GPC6: variants seen among roughly 807,000 people sequenced by gnomAD.
The protein encoded by GPC6 is glypican-6.
In GPC6, 14 loss-of-function variants were observed where a neutral mutation model predicts 55.2. The observed-to-expected ratio is 0.25, with a 90% CI of 0.17 to 0.40. The LOEUF (loss-of-function observed/expected upper bound fraction) is 0.40. Ranked by LOEUF, GPC6 falls within the 10% of genes least tolerant of loss-of-function variation. The pLI, the probability that GPC6 is intolerant of heterozygous loss-of-function variation, is 1.00. For synonymous variants in GPC6, 278 were observed against 259.6 expected (o/e 1.07, Z -0.68); for missense variants, 641 against 708.5 (o/e 0.90, Z 1.08).
At chr13:93,985,371 A>C (rs981426522) in intron 3 of GPC6, among the ~76,000 whole-genome samples, 1 of 151,850 alleles carries the variant, frequency 6.6e-6, no homozygotes, top group Non-Finnish European at 1.5e-5. Context: ...CAGGAGGTAG[A>C]GGTTGCAGTG....
At position 93,972,651 on chromosome 13, in the gene GPC6, G is replaced by T. The variant is rs560936891; in HGVS notation, c.712-55078G>T. Among the ~76,000 whole-genome samples, 18 of 152,190 alleles carry T rather than the reference G, an allele frequency of 1.2e-4. No homozygotes were observed. In the South Asian group the frequency reaches 3.7e-3, roughly 32 times the overall value. ...TGAAGCTACTGAAGGCCTATGTTTA[G>T]AAAATAAAAATAGATTTTAAGAGTT... On this transcript the variant is annotated intron_variant, in intron 3 of 8. Transcript: ENST00000377047.
At chr13:93,326,819 T>C (rs1348800687) in intron 1 of GPC6, among the ~76,000 whole-genome samples, 2 of 152,112 alleles carry the variant, frequency 1.3e-5, no homozygotes, top group Non-Finnish European at 2.9e-5. Context: ...CCAGCGAACA[T>C]TTTTTTAAAT....
chr13:93,430,743 C>G (rs1297471568), intron 1 of GPC6, among the ~76,000 whole-genome samples: 1 of 152,130 alleles, frequency 6.6e-6, no homozygotes, highest in Non-Finnish European at 1.5e-5. Flanking sequence ...GAAAATCCTG[C>G]AAAGTGCTCC....
At chr13:93,405,984 CT>C (rs1421596540) in intron 1 of GPC6, among the ~76,000 whole-genome samples, 1 of 152,268 alleles carries the variant, frequency 6.6e-6, no homozygotes, top group Non-Finnish European at 1.5e-5. Context: ...GAGGCTAAGG[CT>C]TTATTGCCTG....
At chr13:93,476,253 A>G (rs1879297179) in intron 1 of GPC6, among the ~76,000 whole-genome samples, 1 of 152,046 alleles carries the variant, frequency 6.6e-6, no homozygotes, top group Admixed American at 6.5e-5. Context: ...AATTAGTATG[A>G]CTTGCTATTC....
intron 2 of GPC6, among the ~76,000 whole-genome samples, chr13:93,737,237 C>G (rs1278991352): frequency 6.6e-6 from 1 of 152,088 alleles, no homozygotes; most frequent in Non-Finnish European, 1.5e-5. Context: ...TTATTTCAAG[C>G]AAGAAGACCA....
intron 2 of GPC6, among the ~76,000 whole-genome samples, chr13:93,548,770 G>A (rs1424752522): frequency 6.6e-6 from 1 of 152,074 alleles, no homozygotes; most frequent in Non-Finnish European, 1.5e-5. Context: ...TCATACCTGA[G>A]AGGCAACAAA....
chr13:93,876,943 A>C (rs893948178), intron 3 of GPC6, among the ~76,000 whole-genome samples: 1 of 152,018 alleles, frequency 6.6e-6, no homozygotes, highest in Non-Finnish European at 1.5e-5. Context: ...TCTTGATTGG[A>C]GATCATTTCC....
intron 6 of GPC6, among the ~76,000 whole-genome samples, chr13:94,333,550 T>A (rs1295697251): frequency 6.6e-6 from 1 of 152,232 alleles, no homozygotes; most frequent in African/African-American, 2.4e-5. Flanking sequence ...TACATTTTCC[T>A]GAGAACTTAT....
chr13:93,723,770 G>A (rs891498791), intron 2 of GPC6, among the ~76,000 whole-genome samples: 1 of 151,904 alleles, frequency 6.6e-6, no homozygotes, highest in Non-Finnish European at 1.5e-5. Context: ...GGGTGTAGAG[G>A]ATGGTGAAAT....
At chr13:94,373,759 T>G (rs919281266) in intron 6 of GPC6, among the ~76,000 whole-genome samples, 1 of 152,028 alleles carries the variant, frequency 6.6e-6, no homozygotes, top group Admixed American at 6.6e-5. Flanking sequence ...AGACACATAA[T>G]TGTCAGATTC....
chr13:93,527,894 T>A (rs1227608425), intron 1 of GPC6, among the ~76,000 whole-genome samples: 1 of 152,150 alleles, frequency 6.6e-6, no homozygotes, highest in Non-Finnish European at 1.5e-5. Flanking sequence ...AATATACACT[T>A]ATAGACTGTA....
At chr13:94,275,166 A>G (rs1237039959) in intron 4 of GPC6, among the ~76,000 whole-genome samples, 6 of 152,232 alleles carry the variant, frequency 3.9e-5, no homozygotes, top group African/African-American at 1.2e-4. Context: ...GTTTGGAAAT[A>G]CAGCAGTAAC....
chr13:93,441,733 A>T (rs1160412016), intron 1 of GPC6, among the ~76,000 whole-genome samples: 1 of 152,096 alleles, frequency 6.6e-6, no homozygotes, highest in Non-Finnish European at 1.5e-5. Context: ...TTTTGTTGCC[A>T]TTACTTTTGG....
chr13:93,369,670 G>A (rs1881381688), intron 1 of GPC6, among the ~76,000 whole-genome samples: 1 of 152,044 alleles, frequency 6.6e-6, no homozygotes, highest in African/African-American at 2.4e-5. Context: ...TGCTGAGTTT[G>A]TTCACATTTG....
intron 3 of GPC6, among the ~76,000 whole-genome samples, chr13:93,936,316 G>A (rs866516564): frequency 6.6e-6 from 1 of 152,070 alleles, no homozygotes; most frequent in Non-Finnish European, 1.5e-5. Context: ...TTAGTTAAAT[G>A]TTAGCAGAAA....
chr13:93,314,754 T>TGTGCGCGCGC lies in GPC6; in HGVS notation c.160+87142_160+87143insGCGCGCGTGC, dbSNP rs1555290022. 1.2e-3 allele frequency among the ~76,000 whole-genome samples: 175 copies of TGTGCGCGCGC among 149,398 alleles called. 1 individual carries two copies. The highest frequency in any genetic ancestry group is 4.1e-3 in the African/African-American group (163 of 40,170). On this transcript the variant is annotated intron_variant, in intron 1 of 8. Coordinates refer to ENST00000377047, the MANE Select transcript of GPC6 (RefSeq NM_005708.5). ...GTGTGTGTGTGTGTGTGTGTGTGTG[T>TGTGCGCGCGC]GTGCACGCATGTGCTGAGAAATGAG... is the stretch of plus-strand genomic sequence containing the variant.
chr13:93,221,943 C>T (rs866625496), upstream of GPC6, among the ~76,000 whole-genome samples: 2 of 152,178 alleles, frequency 1.3e-5, no homozygotes, highest in Non-Finnish European at 2.9e-5. Context: ...AACTAAAATT[C>T]ACCTATTATT....
intron 6 of GPC6, among the ~76,000 whole-genome samples, chr13:94,352,433 C>T (rs1412858320): frequency 1.3e-5 from 2 of 152,314 alleles, no homozygotes; most frequent in East Asian, 3.9e-4. Context: ...TGTCTGCTGA[C>T]TCCAGTTAAC....
Sources: allele counts gnomAD v4.1 joint callset (sites outside exome capture counted in the v4.1 genomes callset), GRCh38; gene constraint gnomAD v4.1.1; transcripts MANE v1.5; gene names NCBI Gene and HGNC (gene_info 2026-07-23, HGNC 2026-07-21).